AHNAK2: variants seen among roughly 807,000 people sequenced by gnomAD.
The protein encoded by AHNAK2 is protein AHNAK2.
In AHNAK2, 18 loss-of-function variants were observed where a neutral mutation model predicts 30.7. The observed-to-expected ratio is 0.59, with a 90% confidence interval of 0.41 to 0.87. The LOEUF (loss-of-function observed/expected upper bound fraction) is 0.87. Among genes scored for constraint, AHNAK2 ranks in the 40% least tolerant of loss-of-function variants. AHNAK2 has a pLI of 0.00. For synonymous variants in AHNAK2, 3,590 were observed against 3,073.8 expected (o/e 1.17, Z -5.56); for missense variants, 8,604 against 7,373.0 (o/e 1.17, Z -6.11).
rs1427436472 is a variant in AHNAK2, at chr14:104,943,382, A to C, written c.12069T>G (p.Ala4023=). The change falls in exon 7 of 7, where the codon GCT becomes GCG. Residue 4023 remains alanine (A), a synonymous_variant. Transcript: ENST00000333244. ...ATDLSVQPPS[A]DLEVQAGQVD... The stretch of plus-strand genomic sequence containing the variant: ...CTTGGCCAGCCTGGACCTCCAGGTC[A>C]GCGGAAGGGGGCTGAACGCTGAGGT... 1 of 1,609,020 alleles carries C rather than the reference A, an allele frequency of 6.2e-7. No homozygotes were observed. The highest frequency in any genetic ancestry group is 1.1e-5 in the South Asian group (1 of 90,814).
At position 104,954,043 on chromosome 14, in the gene AHNAK2, T is replaced by C. The variant is rs763001066; in HGVS notation, c.1408A>G (p.Thr470Ala). 1.9e-6 allele frequency: 3 copies of C among 1,613,658 alleles called. No individual in the cohort carries two copies. The Admixed American group carries it at 5.0e-5, about 27-fold the overall frequency. The change falls in exon 7 of 7, where the codon ACA (threonine) becomes GCA (alanine). Residue 470 changes from threonine (T) to alanine (A), a missense_variant. Thr to Ala is a moderately conservative substitution (Grantham distance 58). Coordinates refer to ENST00000333244, the MANE Select transcript of AHNAK2 (RefSeq NM_138420.4). This position sits in a 1 kb window ranked among gnomAD's most constrained non-coding sequence, Gnocchi z 4.3. ...IGIARLSLRD[T>A]TEGGTQIGPP... ...CCAATCTGTGTGCCTCCTTCGGTTGTGTCTCTCAAGGACAGTCTGGCGATC... is the reference window on the plus strand; with the variant it reads ...CCAATCTGTGTGCCTCCTTCGGTTGCGTCTCTCAAGGACAGTCTGGCGATC...
chr14:104,968,948 C>T (rs1899394338), intron 1 of AHNAK2, among the ~76,000 whole-genome samples: 1 of 152,226 alleles, frequency 6.6e-6, no homozygotes, highest in Non-Finnish European at 1.5e-5. Flanking sequence ...AAACCTGGTG[C>T]CCACCCAGAC....
At position 104,951,561 on chromosome 14, in the gene AHNAK2, T is replaced by C; in HGVS notation, c.3890A>G (p.Asp1297Gly). 8.0e-7 allele frequency: 1 copy of C among 1,247,908 alleles called. No individual in the cohort carries two copies. 77.3% of individuals were successfully genotyped at this position (1,247,908 alleles called of 1,614,324 possible). A position where few individuals can be genotyped will look rare whatever the true frequency, so the allele number is the denominator to read the frequency against. ...CAACTTGGCTCCCGGGGCCTGCATG[T>C]CCACCTCCACACTGGGCAGAGACAC... ...VAVSLPSVEV[D>G]MQAPGAKLDG... The change falls in exon 7 of 7, where the codon GAC becomes GGC. Residue 1297 changes from aspartate to glycine, a missense_variant. Physicochemically the swap from Asp to Gly is moderately conservative, Grantham distance 94. Transcript: ENST00000333244.
rs866378082 is a variant in AHNAK2 at position 104,940,597 on chromosome 14, G to A, written c.14854C>T (p.Pro4952Ser). 6.2e-7 allele frequency: 1 copy of A among 1,613,648 alleles called. No individual in the cohort carries two copies. Among genetic ancestry groups the A allele is most frequent in the Non-Finnish European group, 8.5e-7 (1 of 1,179,842 alleles). ...AGCTTAATCTTAGGCATTTTCAAGGGACTCCCTTTCCCTTCGTGGTCAGCA... is the reference window on the plus strand; with the variant it reads ...AGCTTAATCTTAGGCATTTTCAAGGAACTCCCTTTCCCTTCGTGGTCAGCA... ...EDADHEGKGS[P>S]LKMPKIKLPS... Residue 4952 changes from proline to serine, a missense_variant, in exon 7 of 7, where the codon CCC becomes TCC. Physicochemically the swap from Pro to Ser is moderately conservative, Grantham distance 74. Transcript: ENST00000333244. The surrounding 1 kb of genome is among the most constrained non-coding windows in gnomAD (Gnocchi z 4.4).
Position 104,953,521 on chromosome 14 carries a change from T to G in AHNAK2, c.1930A>C (p.Asn644His). Residue 644 changes from asparagine (N) to histidine (H), a missense_variant, in exon 7 of 7, where the codon AAC (asparagine) becomes CAC (histidine). By Grantham distance (68) the Asn-to-His change is moderately conservative (BLOSUM62 1). Transcript: ENST00000333244. ...TGTATTAGTTGTATTTTTGTTGTGT[T>G]TGTCATTGAGTCACTGTCTTCTTTG... ...KDKEDSDSMT[N>H]TTKIQLIHDE... 5 of 1,613,988 alleles carry G rather than the reference T, an allele frequency of 3.1e-6. No homozygotes were observed. The highest frequency in any genetic ancestry group is 4.2e-6 in the Non-Finnish European group (5 of 1,179,864).
chr14:104,948,081 C>T lies in AHNAK2; in HGVS notation c.7370G>A (p.Gly2457Glu). ...PSVEVDVEAP[G>E]AKLDGAWLEG... is the part of the protein sequence containing the mutation. ...CAGCCACGCACCATCCAGCTTGGCT[C>T]CCGGGGCCTCGACATCCACCTCCAC... The change falls in exon 7 of 7, where the codon GGA becomes GAA. Residue 2457 changes from glycine (G) to glutamate (E), a missense_variant. Physicochemically the swap from Gly to Glu is moderately conservative, Grantham distance 98 (BLOSUM62 -2). Coordinates refer to ENST00000333244, the MANE Select transcript of AHNAK2 (RefSeq NM_138420.4). 1 of 1,612,958 alleles carries T rather than the reference C, an allele frequency of 6.2e-7. No homozygotes were observed. The highest frequency in any genetic ancestry group is 8.5e-7 in the Non-Finnish European group (1 of 1,179,722).
In AHNAK2 at chr14:104,949,569, T is replaced by G. The variant is rs775838282; in HGVS notation, c.5882A>C (p.Gln1961Pro). 1.8e-5 allele frequency: 29 copies of G among 1,584,890 alleles called. 3 individuals carry two copies. The African/African-American group carries it at 2.2e-4, about 12-fold the overall frequency. ...LPSMEVDVQA[Q>P]KAKLDGARLE... is the part of the protein sequence containing the mutation. ...CCGCGCACCATCCAGCTTAGCCTTC[T>G]GGGCCTGGACATCCACCTCCATGCT... Residue 1961 changes from glutamine to proline, a missense_variant, in exon 7 of 7, where the codon CAG becomes CCG. Coordinates refer to ENST00000333244, the MANE Select transcript of AHNAK2 (RefSeq NM_138420.4).
chr14:104,957,289 G>T, intron 3 of AHNAK2, 121 bp downstream of exon 3: 1 of 895,734 alleles, frequency 1.1e-6, no homozygotes, highest in South Asian at 1.8e-5. Flanking sequence ...CATCTGAGTG[G>T]GCACTGCCCA....
In AHNAK2 at chr14:104,946,808, G is replaced by T. The variant is rs754831918; in HGVS notation, c.8643C>A (p.Leu2881=). The stretch of plus-strand genomic sequence containing the variant: ...CTCCCTCGGGAACGTGGCCCTCTGG[G>T]AGTTTCACGTCCACCTGGCCAGCCT... ...EVQAGQVDVK[L]PEGHVPEGAG... Residue 2881 remains leucine, a synonymous_variant, in exon 7 of 7, where the codon CTC becomes CTA. Coordinates refer to ENST00000333244, the MANE Select transcript of AHNAK2 (RefSeq NM_138420.4). 1 of 1,612,836 alleles carries T rather than the reference G, an allele frequency of 6.2e-7. No individual in the cohort carries two copies. The highest frequency in any genetic ancestry group is 1.1e-5 in the South Asian group (1 of 91,050).
Position 104,950,978 on chromosome 14 carries a change from G to T in AHNAK2, c.4473C>A (p.Ser1491Arg). Residue 1491 changes from serine (S) to arginine (R), a missense_variant, in exon 7 of 7, where the codon AGC (serine) becomes AGA (arginine). By Grantham distance (110) the Ser-to-Arg change is moderately radical. Transcript: ENST00000333244. ...TCTTGAACTTGGGCATTTTGAACTT[G>T]CTGTCTTTGGTAGTCAAGTCCTTGT... ...LADKDLTTKD[S>R]KFKMPKFKMP... 1 of 1,089,222 alleles carries T rather than the reference G, an allele frequency of 9.2e-7. No homozygotes were observed. Among genetic ancestry groups the T allele is most frequent in the Non-Finnish European group, 1.3e-6 (1 of 750,912 alleles). The allele number at this position is 1,089,222 out of a possible 1,614,324, so 67.5% of individuals were successfully genotyped here.
chr14:104,943,802 T>C lies in AHNAK2; in HGVS notation c.11649A>G (p.Lys3883=). 2 of 1,613,208 alleles carry C rather than the reference T, an allele frequency of 1.2e-6. No individual in the cohort carries two copies. Among genetic ancestry groups the C allele is most frequent in the Non-Finnish European group, 1.7e-6 (2 of 1,179,588 alleles). Residue 3883 remains lysine (K), a synonymous_variant, in exon 7 of 7, where the codon AAA becomes AAG. Coordinates refer to ENST00000333244, the MANE Select transcript of AHNAK2 (RefSeq NM_138420.4). Reference sequence around the variant, plus strand: ...GCATCTGCACCTTGGGCAGGTGTCCTTTGAGGCCGGCTTCCTCGGGCACGT... The same window carrying C: ...GCATCTGCACCTTGGGCAGGTGTCCCTTGAGGCCGGCTTCCTCGGGCACGT... ...EGHVPEEAGL[K]GHLPKVQMPS... is the part of the protein sequence containing the mutation.
chr14:104,967,592 C>G (rs545085944), intron 1 of AHNAK2, among the ~76,000 whole-genome samples: 1 of 152,228 alleles, frequency 6.6e-6, no homozygotes. Context: ...CAGTCCCCAG[C>G]CCCACCCTCA....
In AHNAK2 at chr14:104,951,890, A is replaced by T; in HGVS notation, c.3561T>A (p.Asp1187Glu). 2 of 1,608,918 alleles carry T rather than the reference A, an allele frequency of 1.2e-6. No homozygotes were observed. The highest frequency in any genetic ancestry group is 1.1e-5 in the South Asian group (1 of 90,556). The change falls in exon 7 of 7, where the codon GAT becomes GAA. Residue 1187 changes from aspartate to glutamate, a missense_variant. By Grantham distance (45) the Asp-to-Glu change is conservative. Coordinates refer to ENST00000333244, the MANE Select transcript of AHNAK2 (RefSeq NM_138420.4). ...CGGCCTCCACTTTGGGTGCAGACAC[A>T]TCCACCGAGGCCTCGATGGACTTGC... ...APGKSIEASV[D>E]VSAPKVEADV...
In AHNAK2 at chr14:104,938,972, G is replaced by C. The variant is rs762970824; in HGVS notation, c.16479C>G (p.Pro5493=). Residue 5493 remains proline (P), a synonymous_variant, in exon 7 of 7, where the codon CCC becomes CCG. Coordinates refer to ENST00000333244, the MANE Select transcript of AHNAK2 (RefSeq NM_138420.4). ...GCACAATCTGAGTGGAAAAAGTCCT[G>C]GGTACTGAGAGATCTACAAACTCTG... ...VTPEFVDLSV[P]RTFSTQIVRE... is the part of the protein sequence containing the mutation. 1 of 1,612,822 alleles carries C rather than the reference G, an allele frequency of 6.2e-7. No homozygotes were observed. The highest frequency in any genetic ancestry group is 1.1e-5 in the South Asian group (1 of 90,906).
Position 104,941,708 on chromosome 14 carries a change from C to A in AHNAK2, c.13743G>T (p.Glu4581Asp), listed in dbSNP as rs775156364. ...PKLDLKGPKA[E>D]VMAPDVEVSL... ...ACACCTCCACATCGGGGGCCATCAC[C>A]TCTGCCTTTGGGCCTTTCAGGTCCA... Residue 4581 changes from glutamate (E) to aspartate (D), a missense_variant, in exon 7 of 7, where the codon GAG (glutamate) becomes GAT (aspartate). By Grantham distance (45) the Glu-to-Asp change is conservative. Coordinates refer to ENST00000333244, the MANE Select transcript of AHNAK2 (RefSeq NM_138420.4). The A allele has an allele frequency of 2.7e-5, 44 of 1,613,690 alleles. No individual in the cohort carries two copies. In the Middle Eastern group the frequency reaches 5.0e-4, roughly 18 times the overall value.
At chr14:104,956,803 C>T in intron 3 of AHNAK2, 114 bp from the exon 4 acceptor site, 2 of 934,004 alleles carry the variant, frequency 2.1e-6, no homozygotes, top group Non-Finnish European at 3.4e-6. Flanking sequence ...CCAGAACTTC[C>T]AACACACAGC....
At position 104,940,658 on chromosome 14, in the gene AHNAK2, T is replaced by A; in HGVS notation, c.14793A>T (p.Thr4931=). The stretch of plus-strand genomic sequence containing the variant: ...GGGCTTCTCCAGGGGCCACTACTGA[T>A]GTCTGCAAGGAGGCCACAAGCTCTT... The part of the protein sequence containing the change: ...GPEELVASLQ[T]SVVAPGEAPS... The change falls in exon 7 of 7, where the codon ACA becomes ACT. Residue 4931 remains threonine, a synonymous_variant. Transcript: ENST00000333244. This position sits in a 1 kb window ranked among gnomAD's most constrained non-coding sequence, Gnocchi z 4.4. 6.2e-7 allele frequency: 1 copy of A among 1,613,498 alleles called. No individual in the cohort carries two copies. Among genetic ancestry groups the A allele is most frequent in the East Asian group, 2.2e-5 (1 of 44,884 alleles).
chr14:104,964,283 C>T (rs374926899), intron 1 of AHNAK2, among the ~76,000 whole-genome samples: 2 of 152,152 alleles, frequency 1.3e-5, no homozygotes, highest in African/African-American at 4.8e-5. Context: ...AACAAAACCA[C>T]GAGGTGCCAT....
rs571729079 is a variant in AHNAK2 at position 104,951,878 on chromosome 14, G to C, written c.3573C>G (p.Pro1191=). 3,983 of 1,607,174 alleles carry C rather than the reference G, an allele frequency of 2.5e-3. 106 individuals are homozygous for C. Among genetic ancestry groups the C allele is most frequent in the African/African-American group, 0.016 (1,150 of 73,248 alleles). ...GGAGACTCACGTCGGCCTCCACTTTGGGTGCAGACACATCCACCGAGGCCT... is the reference window on the plus strand; with the variant it reads ...GGAGACTCACGTCGGCCTCCACTTTCGGTGCAGACACATCCACCGAGGCCT... ...SIEASVDVSA[P]KVEADVSLPS... The change falls in exon 7 of 7, where the codon CCC becomes CCG. Residue 1191 remains proline (P), a synonymous_variant. Coordinates refer to ENST00000333244, the MANE Select transcript of AHNAK2 (RefSeq NM_138420.4).
Sources: gnomAD v4.1 joint callset for allele counts (sites outside exome capture counted in the v4.1 genomes callset) on GRCh38, gnomAD v4.1.1 for gene constraint, Gnocchi (gnomAD v3.1) non-coding constraint, MANE v1.5 for transcripts, NCBI Gene and HGNC (gene_info 2026-07-23, HGNC 2026-07-21) for gene names.